DPRX: variants seen among roughly 807,000 people sequenced by gnomAD.
DPRX encodes divergent-paired related homeobox.
A neutral mutation model predicts 8.4 loss-of-function variants in DPRX; 11 were observed. The observed-to-expected ratio is 1.31, with a 90% CI of 0.82 to 2.17. DPRX has a LOEUF of 2.17. DPRX is among the 30% of genes most tolerant of loss of function. DPRX has a pLI of 0.00. For synonymous variants in DPRX, 72 were observed against 87.0 expected (o/e 0.83, Z 0.96); for missense variants, 211 against 236.7 (o/e 0.89, Z 0.71).
the DPRX span, among the ~76,000 whole-genome samples, chr19:53,621,783 C>CA: frequency 9.3e-4 from 138 of 147,984 alleles, 1 homozygote; most frequent in Middle Eastern, 3.5e-3. Context: ...GACTCTGTTC[C>CA]AAAAAAAAAC....
chr19:53,603,573 AT>A, the DPRX span: 1 of 361,978 alleles, frequency 2.8e-6, no homozygotes, highest in Non-Finnish European at 5.6e-6. Flanking sequence ...GTAGGGCAAG[AT>A]TAACCCAGGT....
the DPRX span, among the ~76,000 whole-genome samples, chr19:53,623,812 T>C: frequency 6.6e-6 from 1 of 151,462 alleles, no homozygotes; most frequent in South Asian, 2.1e-4. Flanking sequence ...TAGCTGGACA[T>C]GATGGCAGGC....
At chr19:53,602,300 G>A in the DPRX span, 3 of 334,894 alleles carry the variant, frequency 9.0e-6, no homozygotes, top group Non-Finnish European at 1.8e-5. Flanking sequence ...GTGTGTGTGT[G>A]TGTGTGTGTG....
chr19:53,622,544 C>G, the DPRX span, among the ~76,000 whole-genome samples: 8 of 152,158 alleles, frequency 5.3e-5, no homozygotes, highest in African/African-American at 1.9e-4. Flanking sequence ...GGTTGTGCAA[C>G]TTCCTGCTGG....
upstream of DPRX, among the ~76,000 whole-genome samples, chr19:53,628,671 C>T (rs2091079879): frequency 6.6e-6 from 1 of 151,954 alleles, no homozygotes; most frequent in African/African-American, 2.4e-5. Flanking sequence ...CTCACCGCCA[C>T]CTCTGCCTCC....
chr19:53,605,687 C>T, the DPRX span, among the ~76,000 whole-genome samples: 1 of 151,862 alleles, frequency 6.6e-6, no homozygotes, highest in African/African-American at 2.4e-5. Flanking sequence ...TATTTTGAGA[C>T]AGGGTCTTGC....
At chr19:53,601,227 C>CTCAGAG in the DPRX span, 1 of 455,874 alleles carries the variant, frequency 2.2e-6, no homozygotes, top group African/African-American at 2.0e-5. Flanking sequence ...TGGGCTCAGA[C>CTCAGAG]ACCCAAGAGG....
the DPRX span, among the ~76,000 whole-genome samples, chr19:53,603,873 G>A: frequency 6.6e-6 from 1 of 151,440 alleles, no homozygotes; most frequent in East Asian, 2.0e-4. Flanking sequence ...GGCCTCCTGA[G>A]TAGCTGGGAT....
At chr19:53,601,993 C>T in the DPRX span, 1 of 455,914 alleles carries the variant, frequency 2.2e-6, no homozygotes, top group South Asian at 1.5e-5. Context: ...ATAAGGCCAC[C>T]TACCTTGAAG....
the DPRX span, chr19:53,607,011 C>G: frequency 6.5e-6 from 1 of 153,986 alleles, no homozygotes; most frequent in Non-Finnish European, 1.5e-5. Context: ...AGAATCACGC[C>G]AAAGCCAAAA....
upstream of DPRX, among the ~76,000 whole-genome samples, chr19:53,631,896 C>G (rs544365668): frequency 6.6e-6 from 1 of 152,062 alleles, no homozygotes; most frequent in African/African-American, 2.4e-5. Context: ...CGTTGGTCTC[C>G]GCTCAATCAA....
the DPRX span, among the ~76,000 whole-genome samples, chr19:53,627,055 C>T: frequency 1.7e-4 from 26 of 152,186 alleles, no homozygotes; most frequent in South Asian, 5.0e-3. Flanking sequence ...TTTAATCCCT[C>T]TAAACATGGC....
chr19:53,628,334 C>A (rs576354117), upstream of DPRX, among the ~76,000 whole-genome samples: 17 of 152,048 alleles, frequency 1.1e-4, no homozygotes, highest in African/African-American at 4.1e-4. Context: ...CAGAGCAAGA[C>A]CCTGTCTCAA....
chr19:53,616,785 G>T, the DPRX span: 3 of 1,554,166 alleles, frequency 1.9e-6, no homozygotes, highest in Admixed American at 1.8e-5. Flanking sequence ...GGCCGAGAAT[G>T]GCCCTTGCTG....
the DPRX span, among the ~76,000 whole-genome samples, chr19:53,621,534 G>A: frequency 3.9e-5 from 6 of 152,096 alleles, no homozygotes; most frequent in Non-Finnish European, 5.9e-5. Context: ...GGTGGCTCAC[G>A]TCTATAATCC....
upstream of DPRX, among the ~76,000 whole-genome samples, chr19:53,629,075 A>G (rs2091081463): frequency 6.6e-6 from 1 of 150,718 alleles, no homozygotes; most frequent in Admixed American, 6.6e-5. Flanking sequence ...GCACTTTGGG[A>G]GGCCGAGGCG....
intron 2 of DPRX, among the ~76,000 whole-genome samples, chr19:53,635,027 C>T (rs189830596): frequency 2.5e-4 from 38 of 152,312 alleles, no homozygotes; most frequent in Admixed American, 1.0e-3. Context: ...GGTTGGAGCA[C>T]GGTGGTGCAA....
chr19:53,632,530 C>T (rs895290009), intron 1 of DPRX, among the ~76,000 whole-genome samples: 21 of 151,710 alleles, frequency 1.4e-4, no homozygotes, highest in Admixed American at 7.9e-4. Context: ...AGGCTGGTCT[C>T]GAACTCCTGA....
the DPRX span, among the ~76,000 whole-genome samples, chr19:53,612,273 G>A: frequency 2.6e-5 from 4 of 151,962 alleles, no homozygotes; most frequent in African/African-American, 9.7e-5. Flanking sequence ...GTCCCAGCTA[G>A]TTAGGAGGCT....
Sources: gnomAD v4.1 joint callset for allele counts (sites outside exome capture counted in the v4.1 genomes callset) on GRCh38, gnomAD v4.1.1 for gene constraint, MANE v1.5 for transcripts, NCBI Gene and HGNC (gene_info 2026-07-23, HGNC 2026-07-21) for gene names.